The following MBNL3 variants were observed in gnomAD, a reference collection of about 807,000 sequenced individuals.
The protein encoded by MBNL3 is muscleblind like splicing regulator 3.
In MBNL3, 6 loss-of-function variants were observed where a neutral mutation model predicts 24.5. That is an observed-to-expected ratio of 0.25 (90% CI 0.13 to 0.48). The LOEUF (loss-of-function observed/expected upper bound fraction) is 0.48. Among genes scored for constraint, MBNL3 ranks in the 20% least tolerant of loss-of-function variants. The pLI is 0.99. For missense variants in MBNL3, 230 were observed against 293.5 expected, an observed-to-expected ratio of 0.78 and a Z score of 1.58; for synonymous variants, 100 against 101.7, an observed-to-expected ratio of 0.98 and a Z score of 0.10.
intron 1 of MBNL3, among the ~76,000 whole-genome samples, chrX:132,473,856 T>C (rs1211206714): frequency 9.0e-6 from 1 of 111,579 alleles, no homozygotes; most frequent in Non-Finnish European, 1.9e-5. Flanking sequence ...TTTAAGTTTT[T>C]CAATGTATTT....
At chrX:132,439,293 C>T in intron 2 of MBNL3, 142 bp downstream of exon 2, 1 of 654,997 alleles carries the variant, frequency 1.5e-6, no homozygotes, top group Non-Finnish European at 2.2e-6. Context: ...GACCTTCTAT[C>T]TTGACATTCT....
At chrX:132,434,688 T>C (rs1945012391) in intron 2 of MBNL3, among the ~76,000 whole-genome samples, 1 of 112,061 alleles carries the variant, frequency 8.9e-6, no homozygotes, top group Non-Finnish European at 1.9e-5. Flanking sequence ...AGGTGAGATG[T>C]ATTTTACAGA....
chrX:132,427,762 G>C (rs1394827447), intron 2 of MBNL3, among the ~76,000 whole-genome samples: 1 of 111,876 alleles, frequency 8.9e-6, no homozygotes, highest in Non-Finnish European at 1.9e-5. Context: ...AAGGTTTTCT[G>C]TTTGCATTTT....
rs1388555417 is a variant in MBNL3 at position 132,375,259 on chromosome X, A to G, written c.*4407T>C. On this transcript the variant is annotated 3_prime_UTR_variant, in exon 9 of 9. Coordinates refer to ENST00000370853, the MANE Select transcript of MBNL3 (RefSeq NM_001386889.1). Reference sequence around the variant, plus strand: ...ATTTTGTTGCCAAAGCAACAACTAAATATAATTAGATAACAATTATTATTT... The same window carrying G: ...ATTTTGTTGCCAAAGCAACAACTAAGTATAATTAGATAACAATTATTATTT... 8.9e-6 allele frequency: 1 copy of G among 111,818 alleles called. No homozygotes were observed. The highest frequency in any genetic ancestry group is 3.2e-5 in the African/African-American group (1 of 30,788). The allele number at this position is 111,818 out of a possible 1,213,427, so 9.2% of individuals were successfully genotyped here. A position where few individuals can be genotyped will look rare whatever the true frequency, so the allele number is the denominator to read the frequency against.
At chrX:132,430,618 A>C (rs1944655803) in intron 2 of MBNL3, 1 of 111,889 alleles carries the variant, frequency 8.9e-6, no homozygotes. Context: ...TTAGACCGAG[A>C]CCATGTCTTT....
Position 132,420,951 on chromosome X carries a change from T to C in MBNL3, c.178-14559A>G, listed in dbSNP as rs192674354. Among the ~76,000 whole-genome samples the C allele has an allele frequency of 5.0e-3, 562 of 112,468 alleles. 3 individuals carry two copies. Among genetic ancestry groups the C allele is most frequent in the Non-Finnish European group, 8.4e-3 (447 of 53,258 alleles). On this transcript the variant is annotated intron_variant, in intron 2 of 8. Coordinates refer to ENST00000370853, the MANE Select transcript of MBNL3 (RefSeq NM_001386889.1). ...AGCAGGTCACAGGCTGTTCATACTCTGTCCTCTAATGTATTTGTTCCCAAG... is the reference window on the plus strand; with the variant it reads ...AGCAGGTCACAGGCTGTTCATACTCCGTCCTCTAATGTATTTGTTCCCAAG...
intron 3 of MBNL3, among the ~76,000 whole-genome samples, chrX:132,393,264 T>C (rs1448649093): frequency 9.1e-5 from 10 of 110,321 alleles, no homozygotes; most frequent in African/African-American, 3.3e-4. Context: ...GGGGGCCAGA[T>C]GATATTCATA....
At chrX:132,411,248 G>A in intron 2 of MBNL3, 2 of 753,879 alleles carry the variant, frequency 2.7e-6, no homozygotes, top group Non-Finnish European at 1.6e-6. Flanking sequence ...CATACACAGG[G>A]CAATGACTTT....
chrX:132,463,500 C>A (rs1603264275), intron 1 of MBNL3, among the ~76,000 whole-genome samples: 1 of 111,598 alleles, frequency 9.0e-6, no homozygotes, highest in South Asian at 3.7e-4. Flanking sequence ...TTACATTGAC[C>A]ATTTTAATCA....
intron 1 of MBNL3, among the ~76,000 whole-genome samples, chrX:132,478,917 T>A (rs530021456): frequency 8.9e-6 from 1 of 112,567 alleles, no homozygotes; most frequent in African/African-American, 3.2e-5. Flanking sequence ...GAAATATGTA[T>A]TTTAGATTAC....
rs1458487138 is a variant in MBNL3, at chrX:132,371,638, C to T, written c.*8028G>A. The stretch of plus-strand genomic sequence containing the variant: ...GACATGAATAACTGGGAAAGAGAAA[C>T]TTCTAATAATGCATCTTAGAATATG... On this transcript the variant is annotated 3_prime_UTR_variant, in exon 9 of 9. Coordinates refer to ENST00000370853, the MANE Select transcript of MBNL3 (RefSeq NM_001386889.1). 1 of 111,258 alleles carries T rather than the reference C, an allele frequency of 9.0e-6. No homozygotes were observed. Among genetic ancestry groups the T allele is most frequent in the Non-Finnish European group, 1.9e-5 (1 of 52,959 alleles). The allele number at this position is 111,258 out of a possible 1,213,427, so 9.2% of individuals were successfully genotyped here. A position where few individuals can be genotyped will look rare whatever the true frequency, so the allele number is the denominator to read the frequency against.
intron 5 of MBNL3, among the ~76,000 whole-genome samples, chrX:132,389,354 C>G (rs149186218): frequency 1.3e-4 from 15 of 111,824 alleles, no homozygotes; most frequent in Admixed American, 2.8e-4. Flanking sequence ...GAAAAGGGAG[C>G]AATTTGCAGT....
intron 5 of MBNL3, among the ~76,000 whole-genome samples, chrX:132,388,018 A>G (rs1307542951): frequency 9.0e-6 from 1 of 111,443 alleles, no homozygotes; most frequent in Non-Finnish European, 1.9e-5. Flanking sequence ...TCCCAGCAAC[A>G]ACAATTAGGT....
At chrX:132,427,679 A>G (rs1944413049) in intron 2 of MBNL3, among the ~76,000 whole-genome samples, 1 of 111,917 alleles carries the variant, frequency 8.9e-6, no homozygotes, top group Non-Finnish European at 1.9e-5. Context: ...GAGATTATTG[A>G]TACTACAATG....
In MBNL3 at chrX:132,377,595, A is replaced by T. The variant is rs1422806389; in HGVS notation, c.*2071T>A. 1.8e-5 allele frequency: 2 copies of T among 111,247 alleles called. No individual in the cohort carries two copies. Among genetic ancestry groups the T allele is most frequent in the African/African-American group, 6.5e-5 (2 of 30,659 alleles). The allele number at this position is 111,247 out of a possible 1,213,427, so 9.2% of individuals were successfully genotyped here. On this transcript the variant is annotated 3_prime_UTR_variant, in exon 9 of 9. Coordinates refer to ENST00000370853, the MANE Select transcript of MBNL3 (RefSeq NM_001386889.1). ...GTTCTGAAGCAAAAACAATGTGAAA[A>T]GGAGGAACAATGGGAAGCAGGAGAT...
intron 1 of MBNL3, among the ~76,000 whole-genome samples, chrX:132,483,065 G>A (rs958205318): frequency 2.7e-5 from 3 of 112,401 alleles, no homozygotes; most frequent in Non-Finnish European, 5.6e-5. Flanking sequence ...AATTACTTAG[G>A]GGAAAATGCT....
chrX:132,408,257 G>C (rs1369142390), intron 2 of MBNL3, among the ~76,000 whole-genome samples: 2 of 105,253 alleles, frequency 1.9e-5, no homozygotes, highest in African/African-American at 6.9e-5. Context: ...CTCCCAGTTA[G>C]GGCCACCACT....
At chrX:132,395,218 T>C (rs770668302) in intron 3 of MBNL3, among the ~76,000 whole-genome samples, 36 of 111,442 alleles carry the variant, frequency 3.2e-4, no homozygotes, top group African/African-American at 1.2e-3. Context: ...GGGCTTAGCG[T>C]TGACTAACAG....
intron 1 of MBNL3, among the ~76,000 whole-genome samples, chrX:132,484,299 A>G: frequency 8.9e-6 from 1 of 112,401 alleles, no homozygotes; most frequent in East Asian, 2.8e-4. Flanking sequence ...GCTACAAGGA[A>G]GAATGTTCGT....
Sources: allele counts gnomAD v4.1 joint callset (sites outside exome capture counted in the v4.1 genomes callset), GRCh38; gene constraint gnomAD v4.1.1; transcripts MANE v1.5; gene names NCBI Gene and HGNC (gene_info 2026-07-23, HGNC 2026-07-21).